The following SYNRG variants were observed in gnomAD, a reference collection of about 807,000 sequenced individuals.
The protein encoded by SYNRG is AP1 gamma subunit binding protein 1.
SYNRG carries 37 observed loss-of-function variants against 130.9 expected under a neutral mutation model. The observed-to-expected ratio is 0.28, with a 90% CI of 0.22 to 0.37. The LOEUF is 0.37. Ranked by LOEUF, SYNRG falls within the 10% of genes least tolerant of loss-of-function variation. The pLI is 1.00. For synonymous variants in SYNRG, 539 were observed against 568.1 expected (o/e 0.95, Z 0.73); for missense variants, 1,338 against 1,588.9 (o/e 0.84, Z 2.68).
At chr17:37,520,427 G>A in intron 20 of SYNRG, 111 bp downstream of exon 20, 2 of 1,198,288 alleles carry the variant, frequency 1.7e-6, no homozygotes, top group South Asian at 2.6e-5. Flanking sequence ...TAGGACTTGA[G>A]AAAATCCCCA....
At position 37,583,930 on chromosome 17, in the gene SYNRG, A is replaced by G. The variant is rs914368542; in HGVS notation, c.589+718T>C. On this transcript the variant is annotated intron_variant, in intron 6 of 21. Coordinates refer to ENST00000612223, the MANE Select transcript of SYNRG (RefSeq NM_007247.6). The stretch of plus-strand genomic sequence containing the variant: ...GGCTGGTCTTGAACTCCTGACCTCA[A>G]GTGATCCCACCTGCCTCGGCCTCCC... Among the ~76,000 whole-genome samples, 3 of 152,304 alleles carry G rather than the reference A, an allele frequency of 2.0e-5. No homozygotes were observed. In the East Asian group the frequency reaches 5.8e-4, roughly 29 times the overall value.
In SYNRG at chr17:37,561,235, A is replaced by C; in HGVS notation, c.1623T>G (p.Ala541=). Residue 541 remains alanine (A), a synonymous_variant, in exon 13 of 22, where the codon GCT becomes GCG. Transcript: ENST00000612223. ...PPGDPGDKYS[A]FRELEQTAEN... ...CTGCTGTCTGTTCAAGTTCTCTGAA[A>C]GCACTATATTTATCACCAGGATCTA... is the stretch of plus-strand genomic sequence containing the variant. 6.2e-7 allele frequency: 1 copy of C among 1,613,938 alleles called. No homozygotes were observed. The highest frequency in any genetic ancestry group is 8.5e-7 in the Non-Finnish European group (1 of 1,179,946).
At chr17:37,570,513 T>C (rs1037474625) in intron 10 of SYNRG, 124 bp downstream of exon 10, 10 of 1,309,338 alleles carry the variant, frequency 7.6e-6, no homozygotes, top group Non-Finnish European at 1.0e-5. Context: ...TTCTGAAAGA[T>C]ACAACCTAAG....
chr17:37,566,055 T>G (rs1598389058), intron 11 of SYNRG, among the ~76,000 whole-genome samples: 2 of 146,718 alleles, frequency 1.4e-5, no homozygotes, highest in African/African-American at 2.5e-5. Context: ...GTCCGGGAGG[T>G]GAGGGGCGCC....
At chr17:37,534,348 TTATC>T (rs978961696) in intron 19 of SYNRG, among the ~76,000 whole-genome samples, 2 of 152,042 alleles carry the variant, frequency 1.3e-5, no homozygotes, top group Admixed American at 6.6e-5. Context: ...AAATATTTTT[TTATC>T]TATCTATCTA....
intron 15 of SYNRG, 83 bp from the exon 16 acceptor site, chr17:37,540,626 TCTTC>T (rs1378058348): frequency 1.3e-6 from 1 of 793,866 alleles, no homozygotes; most frequent in Admixed American, 3.1e-5. Context: ...ACCACAACCC[TCTTC>T]TTTTTTTTTT....
Position 37,555,127 on chromosome 17 carries a change from A to G in SYNRG, c.1664-1068T>C, listed in dbSNP as rs933164616. ...AAGACATTGATAAAAATTTAGGCCT[A>G]TGATTCTTTTTTTTTTGAGACAGAG... On this transcript the variant is annotated intron_variant, in intron 13 of 21. Transcript: ENST00000612223. Among the ~76,000 whole-genome samples, 9 of 151,722 alleles carry G rather than the reference A, an allele frequency of 5.9e-5. No individual in the cohort carries two copies. In the East Asian group the frequency reaches 1.5e-3, roughly 26 times the overall value.
intron 3 of SYNRG, among the ~76,000 whole-genome samples, chr17:37,591,213 C>T (rs75905135): frequency 0.071 from 10,787 of 152,082 alleles, 1,162 homozygotes; most frequent in African/African-American, 0.23. Flanking sequence ...ATTTAAAAAA[C>T]GCCATTATAA....
At chr17:37,544,282 G>GA (rs1555732790) in intron 14 of SYNRG, among the ~76,000 whole-genome samples, 1 of 142,096 alleles carries the variant, frequency 7.0e-6, no homozygotes, top group Non-Finnish European at 1.5e-5. Context: ...AAAACAGAAG[G>GA]AAAAAACGAC....
In SYNRG at chr17:37,542,264, C is replaced by T. The variant is rs2057829355; in HGVS notation, c.2910G>A (p.Thr970=). The stretch of plus-strand genomic sequence containing the variant: ...CCTTTTGCTCACTGGTCTGAGGAAT[C>T]GTGTCTTTAAAACTGGCAAGAGCTG... ...TFPALASFKD[T]IPQTSEQKEY... Residue 970 remains threonine, a synonymous_variant, in exon 15 of 22, where the codon ACG becomes ACA. Transcript: ENST00000612223. The T allele has an allele frequency of 3.1e-6, 5 of 1,614,054 alleles. No homozygotes were observed. The highest frequency in any genetic ancestry group is 1.7e-5 in the Admixed American group (1 of 60,000).
Position 37,542,344 on chromosome 17 carries a change from G to A in SYNRG, c.2830C>T (p.Leu944Phe). The part of the protein sequence containing the change: ...GSSENITMTS[L>F]SKVTTFVSED... ...CTTACAAAGGTCGTTACTTTGGAGA[G>A]AGATGTCATGGTGATGTTTTCAGAA... Residue 944 changes from leucine (L) to phenylalanine (F), a missense_variant, in exon 15 of 22, where the codon CTC becomes TTC. Coordinates refer to ENST00000612223, the MANE Select transcript of SYNRG (RefSeq NM_007247.6). The A allele has an allele frequency of 1.2e-6, 2 of 1,614,216 alleles. No homozygotes were observed. The highest frequency in any genetic ancestry group is 1.7e-6 in the Non-Finnish European group (2 of 1,180,040).
chr17:37,595,996 CTGCCCGCCT>C (rs1241955802), intron 3 of SYNRG, among the ~76,000 whole-genome samples: 2 of 152,228 alleles, frequency 1.3e-5, no homozygotes, highest in Non-Finnish European at 2.9e-5. Context: ...CTCAAGTGAT[CTGCCCGCCT>C]TGGCCTCCCA....
In SYNRG at chr17:37,517,320, G is replaced by C. The variant is rs1164020225; in HGVS notation, c.*1620C>G. On this transcript the variant is annotated 3_prime_UTR_variant, in exon 22 of 22. Coordinates refer to ENST00000612223, the MANE Select transcript of SYNRG (RefSeq NM_007247.6). Reference sequence around the variant, plus strand: ...TGGAAGCGCCGAGGCCTCAGGAAAAGCCTGCCAAAAGCTGTCCCACTTGTG... The same window carrying C: ...TGGAAGCGCCGAGGCCTCAGGAAAACCCTGCCAAAAGCTGTCCCACTTGTG... 6.6e-6 allele frequency: 1 copy of C among 152,146 alleles called. No homozygotes were observed. The highest frequency in any genetic ancestry group is 2.4e-5 in the African/African-American group (1 of 41,410). The allele number at this position is 152,146 out of a possible 1,614,324, so 9.4% of individuals were successfully genotyped here.
At chr17:37,561,111 G>A in intron 13 of SYNRG, 84 bp downstream of exon 13, 5 of 1,142,442 alleles carry the variant, frequency 4.4e-6, no homozygotes, top group African/African-American at 1.6e-5. Context: ...TAAAATAAAG[G>A]GAATGCCACT....
intron 11 of SYNRG, among the ~76,000 whole-genome samples, chr17:37,564,392 T>C (rs917637048): frequency 4.6e-5 from 7 of 152,234 alleles, no homozygotes; most frequent in Non-Finnish European, 8.8e-5. Context: ...CTCTAAACCC[T>C]GAGTAATTCT....
At chr17:37,571,711 C>A (rs191507655) in intron 9 of SYNRG, 80 bp downstream of exon 9, 1 of 1,289,760 alleles carries the variant, frequency 7.8e-7, no homozygotes, top group African/African-American at 1.5e-5. Flanking sequence ...AGGAGTTACA[C>A]AATGTAGTAA....
intron 14 of SYNRG, among the ~76,000 whole-genome samples, chr17:37,546,272 A>T (rs2058267908): frequency 6.6e-6 from 1 of 152,222 alleles, no homozygotes; most frequent in Admixed American, 6.5e-5. Context: ...TGCAAGAGAA[A>T]AAGGAAAAAG....
intron 6 of SYNRG, among the ~76,000 whole-genome samples, 199 bp from the exon 7 acceptor site, chr17:37,577,812 C>T (rs1302446893): frequency 4.0e-5 from 6 of 150,754 alleles, no homozygotes; most frequent in Admixed American, 4.0e-4. Context: ...AATTCTCCTG[C>T]CTCAGCCTCC....
intron 8 of SYNRG, among the ~76,000 whole-genome samples, chr17:37,575,757 G>A (rs2060779015): frequency 6.6e-6 from 1 of 150,554 alleles, no homozygotes; most frequent in Non-Finnish European, 1.5e-5. Flanking sequence ...TGGGAGGATT[G>A]CCTGAGCCTG....
Sources: allele counts gnomAD v4.1 joint callset (sites outside exome capture counted in the v4.1 genomes callset), GRCh38; gene constraint gnomAD v4.1.1; transcripts MANE v1.5; gene names NCBI Gene and HGNC (gene_info 2026-07-23, HGNC 2026-07-21).